The following TAX1BP1 variants were observed in gnomAD, a reference collection of about 807,000 sequenced individuals.
TAX1BP1 encodes the protein tax1-binding protein 1.
Under a neutral mutation model 97.7 loss-of-function variants are expected in TAX1BP1, and 62 were observed. The ratio of observed to expected loss-of-function variants is 0.63; its 90% CI spans 0.52 to 0.78. TAX1BP1 has a LOEUF of 0.78. TAX1BP1 is among the 30% of genes least tolerant of loss of function. The pLI is 0.00. For missense variants in TAX1BP1, 867 were observed against 916.1 expected, an observed-to-expected ratio of 0.95 and a Z score of 0.69; for synonymous variants, 340 against 304.2, an observed-to-expected ratio of 1.12 and a Z score of -1.23.
chr7:27,811,344 A>G (rs1039823296), intron 13 of TAX1BP1, among the ~76,000 whole-genome samples: 2 of 152,184 alleles, frequency 1.3e-5, no homozygotes, highest in Non-Finnish European at 2.9e-5. Flanking sequence ...TAATTCCTGC[A>G]TCTCTTATCA....
chr7:27,811,312 G>A (rs1790550412), intron 13 of TAX1BP1, among the ~76,000 whole-genome samples: 1 of 152,152 alleles, frequency 6.6e-6, no homozygotes, highest in African/African-American at 2.4e-5. Context: ...TGTTATGTAT[G>A]GACTTGCTTA....
intron 15 of TAX1BP1, among the ~76,000 whole-genome samples, chr7:27,817,448 A>G (rs1364097923): frequency 6.6e-6 from 1 of 152,170 alleles, no homozygotes; most frequent in African/African-American, 2.4e-5. Flanking sequence ...TCTTTATAGC[A>G]TTTATATCCC....
intron 2 of TAX1BP1, among the ~76,000 whole-genome samples, chr7:27,750,894 G>C (rs774379393): frequency 2.0e-4 from 30 of 152,076 alleles, no homozygotes; most frequent in Non-Finnish European, 4.1e-4. Context: ...TAGGTCAGCT[G>C]TTTTACCCAC....
intron 13 of TAX1BP1, among the ~76,000 whole-genome samples, chr7:27,807,428 T>A (rs183758755): frequency 2.6e-5 from 4 of 152,302 alleles, no homozygotes; most frequent in Admixed American, 2.0e-4. Context: ...TCCCTTTATC[T>A]GGAACAACTT....
rs1788789820 is a variant in TAX1BP1 at position 27,770,129 on chromosome 7, GT to G, written c.612+298del. Among the ~76,000 whole-genome samples, 4 of 151,658 alleles carry G rather than the reference GT, an allele frequency of 2.6e-5. No homozygotes were observed. The South Asian group carries it at 8.3e-4, about 31-fold the overall frequency. On this transcript the variant is annotated intron_variant, in intron 5 of 16. Transcript: ENST00000396319. ...AATTGTAGAATACTTGATTTTTTTT[GT>G]TTAGAAATACAATTAGAAATGATAA... is the stretch of plus-strand genomic sequence containing the variant.
intron 13 of TAX1BP1, among the ~76,000 whole-genome samples, chr7:27,813,699 A>T (rs73297525): frequency 6.6e-6 from 1 of 152,086 alleles, no homozygotes; most frequent in African/African-American, 2.4e-5. Context: ...CAAACAGGCA[A>T]TCCTCCTGCT....
At chr7:27,772,990 C>G (rs373367317) in intron 5 of TAX1BP1, among the ~76,000 whole-genome samples, 1 of 151,954 alleles carries the variant, frequency 6.6e-6, no homozygotes. Flanking sequence ...GGGAAGATTT[C>G]TCCCCTCCTC....
At chr7:27,802,926 A>G (rs1203781748) in intron 13 of TAX1BP1, among the ~76,000 whole-genome samples, 1 of 152,214 alleles carries the variant, frequency 6.6e-6, no homozygotes, top group Non-Finnish European at 1.5e-5. Context: ...GAATAGTTTT[A>G]AGAATAAGGC....
chr7:27,754,384 A>G (rs1332332178), intron 2 of TAX1BP1, among the ~76,000 whole-genome samples: 1 of 147,908 alleles, frequency 6.8e-6, no homozygotes, highest in African/African-American at 2.5e-5. Context: ...TACAATTATA[A>G]TATATATAAT....
At chr7:27,795,821 G>T (rs923784378) in intron 11 of TAX1BP1, among the ~76,000 whole-genome samples, 4 of 152,144 alleles carry the variant, frequency 2.6e-5, no homozygotes, top group African/African-American at 9.7e-5. Context: ...AAAGTGCTGG[G>T]ATTACAGGCA....
Position 27,760,637 on chromosome 7 carries a change from G to A in TAX1BP1, c.265+2504G>A, listed in dbSNP as rs112791645. The stretch of plus-strand genomic sequence containing the variant: ...TCTCGATCTCCTGACCTTGTGATCC[G>A]CCCGCCTCGGCTTCCCAAAGTGTTG... On this transcript the variant is annotated intron_variant, in intron 3 of 16. Coordinates refer to ENST00000396319, the MANE Select transcript of TAX1BP1 (RefSeq NM_006024.7). Among the ~76,000 whole-genome samples, 758 of 151,872 alleles carry A rather than the reference G, an allele frequency of 5.0e-3. 8 individuals carry two copies. The highest frequency in any genetic ancestry group is 0.018 in the African/African-American group (731 of 41,392).
chr7:27,792,890 A>G (rs961534630), intron 9 of TAX1BP1, among the ~76,000 whole-genome samples, 176 bp from the exon 10 acceptor site: 1 of 152,114 alleles, frequency 6.6e-6, no homozygotes, highest in African/African-American at 2.4e-5. Context: ...TTGAGCCAGG[A>G]GGTCAAGGCT....
At chr7:27,794,845 A>G (rs1562727162) in intron 11 of TAX1BP1, among the ~76,000 whole-genome samples, 1 of 152,100 alleles carries the variant, frequency 6.6e-6, no homozygotes, top group Non-Finnish European at 1.5e-5. Context: ...AGGGGAAAAA[A>G]TCCCCTATTA....
At position 27,777,867 on chromosome 7, in the gene TAX1BP1, G is replaced by A. The variant is rs116851765; in HGVS notation, c.613-7296G>A. Among the ~76,000 whole-genome samples the A allele has an allele frequency of 9.3e-4, 142 of 152,322 alleles. 1 individual carries two copies. Among genetic ancestry groups the A allele is most frequent in the Non-Finnish European group, 1.5e-3 (105 of 68,020 alleles). ...GGGATCACTGACCTTTTATCCTGATGTCCAGTGGCTTGAGAGCTGTTCTTC... is the reference window on the plus strand; with the variant it reads ...GGGATCACTGACCTTTTATCCTGATATCCAGTGGCTTGAGAGCTGTTCTTC... On this transcript the variant is annotated intron_variant, in intron 5 of 16. Coordinates refer to ENST00000396319, the MANE Select transcript of TAX1BP1 (RefSeq NM_006024.7).
chr7:27,828,032 G>T (rs181266172), intron 16 of TAX1BP1, among the ~76,000 whole-genome samples: 270 of 152,310 alleles, frequency 1.8e-3, no homozygotes, highest in Middle Eastern at 6.8e-3. Context: ...GTATTTAAAA[G>T]AATATTTACT....
Position 27,801,646 on chromosome 7 carries a change from A to G in TAX1BP1, c.1764+1556A>G, listed in dbSNP as rs17155861. Reference sequence around the variant, plus strand: ...GGTAGAGTGCTAGAAGTGTAATGGTAGTATGCACAAAATTTTCACACCACC... The same window carrying G: ...GGTAGAGTGCTAGAAGTGTAATGGTGGTATGCACAAAATTTTCACACCACC... On this transcript the variant is annotated intron_variant, in intron 13 of 16. Coordinates refer to ENST00000396319, the MANE Select transcript of TAX1BP1 (RefSeq NM_006024.7). Among the ~76,000 whole-genome samples, 1,246 of 152,296 alleles carry G rather than the reference A, an allele frequency of 8.2e-3. 14 individuals carry two copies. Among genetic ancestry groups the G allele is most frequent in the African/African-American group, 0.027 (1,129 of 41,552 alleles).
chr7:27,804,180 C>T (rs1021252053), intron 13 of TAX1BP1, among the ~76,000 whole-genome samples: 2 of 152,048 alleles, frequency 1.3e-5, no homozygotes, highest in African/African-American at 4.8e-5. Context: ...AATTTGTCAG[C>T]ATTTAGAAGA....
At chr7:27,808,784 CA>C (rs1790440733) in intron 13 of TAX1BP1, among the ~76,000 whole-genome samples, 1 of 152,194 alleles carries the variant, frequency 6.6e-6, no homozygotes, top group African/African-American at 2.4e-5. Context: ...CTACTTCTGA[CA>C]AAATCTCTTT....
chr7:27,817,046 G>C lies in TAX1BP1; in HGVS notation c.2085+8G>C. On this transcript the variant is annotated splice_region_variant and intron_variant, in intron 15 of 16. Transcript: ENST00000396319. ...GACTCTGAGGATAGCAAAGTAAATT[G>C]AATTTTCATTGTGTGAGCCTGTCCC... is the stretch of plus-strand genomic sequence containing the variant. 6.2e-7 allele frequency: 1 copy of C among 1,602,184 alleles called. No individual in the cohort carries two copies. The highest frequency in any genetic ancestry group is 8.5e-7 in the Non-Finnish European group (1 of 1,176,872).
Sources: gnomAD v4.1 joint callset for allele counts (sites outside exome capture counted in the v4.1 genomes callset) on GRCh38, gnomAD v4.1.1 for gene constraint, MANE v1.5 for transcripts, NCBI Gene and HGNC (gene_info 2026-07-23, HGNC 2026-07-21) for gene names.